Variants in CHODL observed in about 807,000 individuals in gnomAD.
CHODL encodes transmembrane protein MT75.
In CHODL, 29 loss-of-function variants were observed where a neutral mutation model predicts 34.5. That is an observed-to-expected ratio of 0.84 (90% CI 0.63 to 1.15). The LOEUF (loss-of-function observed/expected upper bound fraction) is 1.15. Ranked by LOEUF, CHODL falls within the 50% of genes most tolerant of loss-of-function variation. The pLI is 0.00. For missense variants in CHODL, 332 were observed against 332.5 expected, an observed-to-expected ratio of 1.00 and a Z score of 0.01; for synonymous variants, 125 against 116.1, an observed-to-expected ratio of 1.08 and a Z score of -0.49.
intron 4 of CHODL, among the ~76,000 whole-genome samples, chr21:18,262,502 C>G (rs9978914): frequency 0.26 from 38,923 of 151,948 alleles, 6,027 homozygotes; most frequent in African/African-American, 0.44. Flanking sequence ...ACATAGAAAT[C>G]TATAAAATAG....
At chr21:17,951,037 T>C (rs2063452593) in intron 1 of CHODL, among the ~76,000 whole-genome samples, 1 of 152,068 alleles carries the variant, frequency 6.6e-6, no homozygotes, top group African/African-American at 2.4e-5. Context: ...TACGTATAAC[T>C]ATATACATAT....
At chr21:18,127,992 A>G (rs2072596438) in intron 2 of CHODL, among the ~76,000 whole-genome samples, 3 of 152,002 alleles carry the variant, frequency 2.0e-5, no homozygotes, top group South Asian at 2.1e-4. Context: ...TGTGAGAGAT[A>G]AATCTACACA....
At chr21:18,005,268 T>C (rs2063949313) in intron 1 of CHODL, among the ~76,000 whole-genome samples, 1 of 152,244 alleles carries the variant, frequency 6.6e-6, no homozygotes, top group African/African-American at 2.4e-5. Context: ...AGGAATAATA[T>C]TCTTACCTAT....
chr21:18,129,128 C>G (rs205695), intron 2 of CHODL, among the ~76,000 whole-genome samples: 3 of 151,734 alleles, frequency 2.0e-5, no homozygotes, highest in Non-Finnish European at 4.4e-5. Context: ...GCAATAATTT[C>G]TATTAAAAAG....
intron 2 of CHODL, among the ~76,000 whole-genome samples, chr21:18,098,990 C>T (rs531462770): frequency 1.2e-4 from 18 of 152,018 alleles, no homozygotes; most frequent in South Asian, 4.1e-4. Flanking sequence ...AGACAAACAT[C>T]GTATATTCTC....
intron 2 of CHODL, among the ~76,000 whole-genome samples, chr21:18,125,881 T>G (rs1376265848): frequency 6.6e-6 from 1 of 152,058 alleles, no homozygotes; most frequent in Admixed American, 6.6e-5. Context: ...CAGCAGCAGG[T>G]TTAGAGAGGA....
intron 2 of CHODL, among the ~76,000 whole-genome samples, chr21:18,157,328 T>G (rs2073046371): frequency 6.6e-6 from 1 of 152,380 alleles, no homozygotes; most frequent in Non-Finnish European, 1.5e-5. Flanking sequence ...TTGCCATTAT[T>G]ACCGTTATGC....
chr21:18,150,467 C>T (rs564661388), intron 2 of CHODL, among the ~76,000 whole-genome samples: 45 of 152,172 alleles, frequency 3.0e-4, no homozygotes, highest in Non-Finnish European at 4.4e-4. Context: ...AGTACAGTTC[C>T]GGAGGCCGGT....
At chr21:18,171,936 A>G (rs981673903) in intron 2 of CHODL, among the ~76,000 whole-genome samples, 1 of 152,098 alleles carries the variant, frequency 6.6e-6, no homozygotes, top group East Asian at 1.9e-4. Flanking sequence ...GTGTTGGTGC[A>G]TACCTTCAAT....
At chr21:18,156,816 A>C (rs868241567) in intron 2 of CHODL, among the ~76,000 whole-genome samples, 3 of 152,144 alleles carry the variant, frequency 2.0e-5, no homozygotes, top group Non-Finnish European at 4.4e-5. Context: ...TCTCTGCTCT[A>C]CATGTCTGGG....
intron 1 of CHODL, among the ~76,000 whole-genome samples, chr21:17,933,916 G>T (rs2063297782): frequency 6.6e-6 from 1 of 151,988 alleles, no homozygotes; most frequent in African/African-American, 2.4e-5. Flanking sequence ...GCATGCACCT[G>T]TAGTCCCAGC....
intron 2 of CHODL, among the ~76,000 whole-genome samples, chr21:18,152,301 T>C (rs1378484634): frequency 6.6e-6 from 1 of 152,174 alleles, no homozygotes; most frequent in Non-Finnish European, 1.5e-5. Context: ...TCGATATTTG[T>C]TTTATATTGT....
intron 1 of CHODL, among the ~76,000 whole-genome samples, chr21:18,252,786 A>C (rs2074273323): frequency 1.3e-5 from 2 of 152,234 alleles, no homozygotes; most frequent in Admixed American, 1.3e-4. Context: ...CTTTAGAGTT[A>C]ATAGATCTGT....
intron 2 of CHODL, among the ~76,000 whole-genome samples, chr21:18,111,995 T>C (rs1038120089): frequency 2.6e-5 from 4 of 152,208 alleles, no homozygotes; most frequent in Non-Finnish European, 5.9e-5. Context: ...CATATATTCC[T>C]TTATGCAAAA....
chr21:18,260,850 A>AACAACAACAAC (rs1568963338), intron 4 of CHODL, among the ~76,000 whole-genome samples: 1 of 108,768 alleles, frequency 9.2e-6, no homozygotes, highest in African/African-American at 4.4e-5. Context: ...ACAACAACAA[A>AACAACAACAAC]AAAACACCAC....
chr21:18,167,730 A>G (rs1355898435), intron 2 of CHODL, among the ~76,000 whole-genome samples: 1 of 152,208 alleles, frequency 6.6e-6, no homozygotes, highest in Non-Finnish European at 1.5e-5. Flanking sequence ...TAACATTAAA[A>G]CAAGCCTATG....
At chr21:18,041,155 G>T (rs2064370859) in intron 2 of CHODL, among the ~76,000 whole-genome samples, 3 of 151,882 alleles carry the variant, frequency 2.0e-5, no homozygotes, top group Admixed American at 6.6e-5. Context: ...TTGGACCTAT[G>T]AAAGTCATTT....
At chr21:18,034,224 T>C (rs886267773) in intron 2 of CHODL, among the ~76,000 whole-genome samples, 1 of 152,050 alleles carries the variant, frequency 6.6e-6, no homozygotes, top group African/African-American at 2.4e-5. Context: ...TTTGTTGCAT[T>C]ATGTCATGCA....
At chr21:18,145,855 CAT>C (rs1388488305) in intron 2 of CHODL, among the ~76,000 whole-genome samples, 1 of 152,216 alleles carries the variant, frequency 6.6e-6, no homozygotes, top group Non-Finnish European at 1.5e-5. Flanking sequence ...TATACTCACA[CAT>C]GTGGAACAAC....
Sources: gnomAD v4.1 joint callset for allele counts (sites outside exome capture counted in the v4.1 genomes callset) on GRCh38, gnomAD v4.1.1 for gene constraint, MANE v1.5 for transcripts, NCBI Gene and HGNC (gene_info 2026-07-23, HGNC 2026-07-21) for gene names.